The following SAMD4B variants were observed in gnomAD, a reference collection of about 807,000 sequenced individuals.
SAMD4B encodes protein Smaug homolog 2.
In SAMD4B, 5 loss-of-function variants were observed where a neutral mutation model predicts 74.5. The ratio of observed to expected loss-of-function variants is 0.07; its 90% CI spans 0.04 to 0.14. The LOEUF (loss-of-function observed/expected upper bound fraction) is 0.14, where lower values mean the gene tolerates loss of function less well. Ranked by LOEUF, SAMD4B falls within the 10% of genes least tolerant of loss-of-function variation. The pLI, the probability that SAMD4B is intolerant of heterozygous loss-of-function variation, is 1.00. For synonymous variants in SAMD4B, 373 were observed against 374.9 expected, an observed-to-expected ratio of 1.00 and a Z score of 0.06; for missense variants, 608 against 921.8, an observed-to-expected ratio of 0.66 and a Z score of 4.41.
chr19:39,380,843 A>T, intron 11 of SAMD4B, 58 bp downstream of exon 11: 1 of 1,499,562 alleles, frequency 6.7e-7, no homozygotes, highest in Non-Finnish European at 8.9e-7. Flanking sequence ...AGTACCTGGG[A>T]TGTCTATTTG....
downstream of SAMD4B, chr19:39,388,332 T>C (rs377651629): frequency 1.4e-5 from 23 of 1,614,150 alleles, no homozygotes; most frequent in Non-Finnish European, 1.9e-5. Context: ...AGGAGTGTGC[T>C]GAGTACCTGG....
intron 2 of SAMD4B, among the ~76,000 whole-genome samples, chr19:39,355,015 G>A (rs2076264284): frequency 6.6e-6 from 1 of 152,112 alleles, no homozygotes; most frequent in African/African-American, 2.4e-5. Context: ...TGGGATTACA[G>A]GCGTGCAGTA....
chr19:39,381,326 A>G (rs56149901), intron 12 of SAMD4B: 4 of 536,434 alleles, frequency 7.5e-6, no homozygotes, highest in Non-Finnish European at 1.3e-5. Flanking sequence ...CACCCCTCTG[A>G]GTCATCATCT....
chr19:39,382,316 T>C (rs2078043902), intron 12 of SAMD4B, among the ~76,000 whole-genome samples: 1 of 152,196 alleles, frequency 6.6e-6, no homozygotes, highest in Admixed American at 6.5e-5. Context: ...GCATGCTGTG[T>C]CCCAGGCTTT....
intron 1 of SAMD4B, chr19:39,352,491 A>G (rs1429763452): frequency 6.0e-5 from 7 of 116,676 alleles, no homozygotes; most frequent in African/African-American, 2.3e-4. Context: ...CTTTAGGGGA[A>G]AAAAAAAAAA....
chr19:39,390,202 C>A (rs1303553846), downstream of SAMD4B: 1 of 1,612,366 alleles, frequency 6.2e-7, no homozygotes, highest in African/African-American at 1.3e-5. Context: ...CCCGCTGCCC[C>A]ACCTCTGCTC....
At chr19:39,368,913 C>T (rs577570215) in intron 3 of SAMD4B, among the ~76,000 whole-genome samples, 17 of 152,224 alleles carry the variant, frequency 1.1e-4, no homozygotes, top group African/African-American at 4.1e-4. Context: ...ATTCCAGAGC[C>T]CAAGCTTTTA....
intron 2 of SAMD4B, among the ~76,000 whole-genome samples, chr19:39,354,272 C>G (rs767332848): frequency 4.6e-5 from 7 of 152,204 alleles, no homozygotes; most frequent in Non-Finnish European, 1.0e-4. Context: ...AGTAAAAGAA[C>G]AAATATAATT....
intron 4 of SAMD4B, among the ~76,000 whole-genome samples, chr19:39,372,997 C>G (rs2077396002): frequency 6.6e-6 from 1 of 152,138 alleles, no homozygotes; most frequent in African/African-American, 2.4e-5. Flanking sequence ...TTGCCCTGTC[C>G]CTTAGGTGAC....
chr19:39,385,859 A>C, downstream of SAMD4B: 1 of 1,339,226 alleles, frequency 7.5e-7, no homozygotes, highest in Non-Finnish European at 1.0e-6. Flanking sequence ...AAGTAAAGAG[A>C]AGTTGACTTT....
At chr19:39,367,219 C>A (rs894751102) in intron 3 of SAMD4B, among the ~76,000 whole-genome samples, 1 of 152,300 alleles carries the variant, frequency 6.6e-6, no homozygotes, top group Non-Finnish European at 1.5e-5. Flanking sequence ...CCTTTGGGGT[C>A]CTAGCTCTGT....
intron 1 of SAMD4B, among the ~76,000 whole-genome samples, chr19:39,344,757 G>C (rs2075588194): frequency 6.6e-6 from 1 of 151,968 alleles, no homozygotes; most frequent in Non-Finnish European, 1.5e-5. Flanking sequence ...AAAGATTCTT[G>C]AGAGACACCT....
At chr19:39,355,213 G>A (rs1425401926) in intron 2 of SAMD4B, among the ~76,000 whole-genome samples, 1 of 152,178 alleles carries the variant, frequency 6.6e-6, no homozygotes, top group Non-Finnish European at 1.5e-5. Flanking sequence ...AGTCATTGGA[G>A]AATTTTAGGC....
At chr19:39,380,537 G>C (rs749036139) in intron 10 of SAMD4B, 50 bp from the exon 11 acceptor site, 1 of 1,592,770 alleles carries the variant, frequency 6.3e-7, no homozygotes, top group Non-Finnish European at 8.6e-7. Context: ...GGGGTGGACA[G>C]ATAGGCCCCA....
At chr19:39,386,607 G>T (rs757611408), downstream of SAMD4B, 7 of 1,611,208 alleles carry the variant, frequency 4.3e-6, no homozygotes, top group Non-Finnish European at 5.1e-6. This position sits in a 1 kb window ranked among gnomAD's most constrained non-coding sequence, Gnocchi z 6.1. Context: ...GGGGAAGGAG[G>T]GTGTTCTGCT....
intron 3 of SAMD4B, among the ~76,000 whole-genome samples, chr19:39,368,766 C>T (rs1057255920): frequency 6.6e-6 from 1 of 152,212 alleles, no homozygotes; most frequent in Admixed American, 6.5e-5. Flanking sequence ...TCTTTGCTAG[C>T]TCATTGAATC....
In SAMD4B at chr19:39,375,577, T is replaced by G. The variant is rs2145778444; in HGVS notation, c.668-73T>G. 1 of 1,551,000 alleles carries G rather than the reference T, an allele frequency of 6.4e-7. No individual in the cohort carries two copies. Among genetic ancestry groups the G allele is most frequent in the African/African-American group, 1.4e-5 (1 of 73,444 alleles). ...TGGGGCCAAACTGCCATCCTGGCAC[T>G]GACGGCAGGGGGATGGTCTCCTGTG... On this transcript the variant is annotated intron_variant, in intron 4 of 13. Coordinates refer to ENST00000610417, the MANE Select transcript of SAMD4B (RefSeq NM_001384574.2). The surrounding 1 kb of genome is among the most constrained non-coding windows in gnomAD (Gnocchi z 4.1).
chr19:39,389,707 C>T (rs2078331589), downstream of SAMD4B: 1 of 1,614,044 alleles, frequency 6.2e-7, no homozygotes, highest in Admixed American at 1.7e-5. The surrounding 1 kb of genome is among the most constrained non-coding windows in gnomAD (Gnocchi z 5.3). Flanking sequence ...CTGGCTCAGT[C>T]AGGAGGTCAT....
At chr19:39,382,980 T>C (rs1047814142) in intron 12 of SAMD4B, among the ~76,000 whole-genome samples, 2 of 152,130 alleles carry the variant, frequency 1.3e-5, no homozygotes, top group Admixed American at 1.3e-4. Flanking sequence ...AATTCCACTC[T>C]CTGCAAGTCG....
Sources: allele counts gnomAD v4.1 joint callset (sites outside exome capture counted in the v4.1 genomes callset), GRCh38; gene constraint gnomAD v4.1.1; non-coding constraint Gnocchi (gnomAD v3.1); transcripts MANE v1.5; gene names NCBI Gene and HGNC (gene_info 2026-07-23, HGNC 2026-07-21).